The following CFAP77 variants were observed in gnomAD, a reference collection of about 807,000 sequenced individuals.
CFAP77 encodes cilia and flagella associated protein 77, also known as cilia- and flagella-associated protein 77.
Under a neutral mutation model 31.1 loss-of-function variants are expected in CFAP77, and 25 were observed. The ratio of observed to expected loss-of-function variants is 0.80; its 90% CI spans 0.59 to 1.12. The LOEUF is 1.12. CFAP77 is among the 50% of genes most tolerant of loss of function. CFAP77 has a pLI of 0.00. For synonymous variants in CFAP77, 151 were observed against 159.9 expected (o/e 0.94, Z 0.42); for missense variants, 377 against 397.3 (o/e 0.95, Z 0.44).
chr9:132,533,224 C>T (rs888841248), intron 3 of CFAP77, among the ~76,000 whole-genome samples: 5 of 152,158 alleles, frequency 3.3e-5, no homozygotes, highest in Admixed American at 6.5e-5. Context: ...CTTCAGCTGC[C>T]GAAGACTCTT....
intron 1 of CFAP77, among the ~76,000 whole-genome samples, chr9:132,412,488 A>G (rs566531185): frequency 2.6e-5 from 4 of 152,334 alleles, no homozygotes; most frequent in African/African-American, 7.2e-5. Context: ...GACATAAATA[A>G]AAGTTGGCAG....
chr9:132,502,949 AC>A, intron 3 of CFAP77, among the ~76,000 whole-genome samples: 1 of 152,186 alleles, frequency 6.6e-6, no homozygotes, highest in Non-Finnish European at 1.5e-5. Context: ...ATGGGAAAGA[AC>A]CCTGAGGATT....
chr9:132,461,662 G>C (rs368693355), intron 1 of CFAP77, among the ~76,000 whole-genome samples: 108 of 152,322 alleles, frequency 7.1e-4, no homozygotes, highest in African/African-American at 2.5e-3. Context: ...TGTCGTGGGG[G>C]ATATTGGTTT....
intron 3 of CFAP77, among the ~76,000 whole-genome samples, chr9:132,504,719 T>A (rs148842415): frequency 7.9e-5 from 12 of 152,372 alleles, no homozygotes; most frequent in Admixed American, 2.0e-4. Context: ...AATTTCACTT[T>A]ATTTCTTCGT....
chr9:132,412,352 T>G (rs1412380576), intron 1 of CFAP77, among the ~76,000 whole-genome samples: 2 of 152,230 alleles, frequency 1.3e-5, no homozygotes, highest in South Asian at 4.1e-4. Flanking sequence ...CCTTTACCTC[T>G]GGCTTTCCTT....
In CFAP77 at chr9:132,523,089, T is replaced by TTTC. The variant is rs72240617; in HGVS notation, c.525-14510_525-14509insCTT. Among the ~76,000 whole-genome samples, 336 of 123,602 alleles carry TTTC rather than the reference T, an allele frequency of 2.7e-3. 1 individual carries two copies. The highest frequency in any genetic ancestry group is 8.4e-3 in the African/African-American group (299 of 35,528). The allele number at this position is 123,602 out of a possible 152,430, so 81.1% of individuals were successfully genotyped here. A position where few individuals can be genotyped will look rare whatever the true frequency, so the allele number is the denominator to read the frequency against. ...CACTGGTAGGCTTCTTTCTTCTTTC[T>TTTC]TTTTTTTTTTTTTTTTGAGACAGGG... On this transcript the variant is annotated intron_variant, in intron 3 of 5. Coordinates refer to ENST00000393216, the MANE Select transcript of CFAP77 (RefSeq NM_001282957.2).
Position 132,516,760 on chromosome 9 carries a change from C to T in CFAP77, c.524+17160C>T, listed in dbSNP as rs543452685. On this transcript the variant is annotated intron_variant, in intron 3 of 5. Transcript: ENST00000393216. ...CACGTGGGATCTCTCTGCATCATTTCGTACAAACTGCAAGTGAATCTACAA... is the reference window on the plus strand; with the variant it reads ...CACGTGGGATCTCTCTGCATCATTTTGTACAAACTGCAAGTGAATCTACAA... 4.6e-5 allele frequency among the ~76,000 whole-genome samples: 7 copies of T among 151,978 alleles called. 1 individual carries two copies. The highest frequency in any genetic ancestry group is 8.8e-5 in the Non-Finnish European group (6 of 68,006).
chr9:132,537,467 A>G, intron 3 of CFAP77, 134 bp from the exon 4 acceptor site: 1 of 627,264 alleles, frequency 1.6e-6, no homozygotes, highest in Non-Finnish European at 2.8e-6. Context: ...GCTGGGAGAG[A>G]GGCTTTCACA....
intron 5 of CFAP77, among the ~76,000 whole-genome samples, chr9:132,559,538 T>C (rs1852962035): frequency 6.6e-6 from 1 of 152,066 alleles, no homozygotes; most frequent in Non-Finnish European, 1.5e-5. Context: ...CAACAAGTGT[T>C]GGTGAGGATA....
chr9:132,497,119 G>A lies in CFAP77; in HGVS notation c.196-1576G>A, dbSNP rs976333733. Reference sequence around the variant, plus strand: ...TGCCTGCGATCCTTCAGATGAGGGGGAGTGGGTTTGTCTATCTCAACAGGG... The same window carrying A: ...TGCCTGCGATCCTTCAGATGAGGGGAAGTGGGTTTGTCTATCTCAACAGGG... On this transcript the variant is annotated intron_variant, in intron 1 of 5. Coordinates refer to ENST00000393216, the MANE Select transcript of CFAP77 (RefSeq NM_001282957.2). This position sits in a 1 kb window ranked among gnomAD's most constrained non-coding sequence, Gnocchi z 4.9. 5.3e-5 allele frequency among the ~76,000 whole-genome samples: 8 copies of A among 151,950 alleles called. No individual in the cohort carries two copies. Among genetic ancestry groups the A allele is most frequent in the Non-Finnish European group, 4.4e-5 (3 of 68,000 alleles).
intron 3 of CFAP77, among the ~76,000 whole-genome samples, chr9:132,507,795 T>C (rs1589894129): frequency 6.6e-6 from 1 of 152,156 alleles, no homozygotes; most frequent in African/African-American, 2.4e-5. Flanking sequence ...TCTGCATTTA[T>C]TGGTGTCCTG....
intron 1 of CFAP77, among the ~76,000 whole-genome samples, chr9:132,413,789 A>C (rs1376816416): frequency 6.6e-6 from 1 of 152,204 alleles, no homozygotes; most frequent in Non-Finnish European, 1.5e-5. Flanking sequence ...AATTTATGGA[A>C]TCGAGCACCC....
At chr9:132,457,173 G>A (rs1850932448) in intron 1 of CFAP77, among the ~76,000 whole-genome samples, 1 of 152,086 alleles carries the variant, frequency 6.6e-6, no homozygotes, top group Admixed American at 6.5e-5. Flanking sequence ...ATGAGGCCAA[G>A]GTTTGCGTAT....
chr9:132,511,937 T>C lies in CFAP77; in HGVS notation c.524+12337T>C, dbSNP rs1211124149. Among the ~76,000 whole-genome samples the C allele has an allele frequency of 6.6e-6, 1 of 151,906 alleles. No individual in the cohort carries two copies. Among genetic ancestry groups the C allele is most frequent in the Non-Finnish European group, 1.5e-5 (1 of 67,980 alleles). On this transcript the variant is annotated intron_variant, in intron 3 of 5. Transcript: ENST00000393216. This position sits in a 1 kb window ranked among gnomAD's most constrained non-coding sequence, Gnocchi z 5.8. The stretch of plus-strand genomic sequence containing the variant: ...GGTGTGGTGGCACACACCTGTCATC[T>C]CAGCTTCTTGGGAGGCTGAGGCAGG...
At position 132,511,638 on chromosome 9, in the gene CFAP77, A is replaced by G. The variant is rs773757368; in HGVS notation, c.524+12038A>G. ...GTGCCAAGAGCACATGAGACGGCCA[A>G]CTCTTTCCCGGGCACGACTCTTGCA... On this transcript the variant is annotated intron_variant, in intron 3 of 5. Coordinates refer to ENST00000393216, the MANE Select transcript of CFAP77 (RefSeq NM_001282957.2). The surrounding 1 kb of genome is among the most constrained non-coding windows in gnomAD (Gnocchi z 5.8). Among the ~76,000 whole-genome samples, 1 of 152,112 alleles carries G rather than the reference A, an allele frequency of 6.6e-6. No homozygotes were observed. Among genetic ancestry groups the G allele is most frequent in the Non-Finnish European group, 1.5e-5 (1 of 68,008 alleles).
At chr9:132,551,862 GC>G (rs1246938089) in intron 5 of CFAP77, among the ~76,000 whole-genome samples, 1 of 152,222 alleles carries the variant, frequency 6.6e-6, no homozygotes, top group East Asian at 1.9e-4. Context: ...CTAAATGCGG[GC>G]CCGGGAAGGA....
At chr9:132,422,974 A>G (rs547059456) in intron 1 of CFAP77, among the ~76,000 whole-genome samples, 209 of 152,300 alleles carry the variant, frequency 1.4e-3, no homozygotes, top group African/African-American at 4.8e-3. Flanking sequence ...TTTGTAAGTT[A>G]CACAAGCCCA....
At chr9:132,557,346 G>A in intron 5 of CFAP77, among the ~76,000 whole-genome samples, 1 of 152,214 alleles carries the variant, frequency 6.6e-6, no homozygotes, top group East Asian at 1.9e-4. Context: ...GCCTCCCGGT[G>A]GAACCAGAGC....
At chr9:132,442,812 G>A (rs1348106446) in intron 1 of CFAP77, among the ~76,000 whole-genome samples, 1 of 152,114 alleles carries the variant, frequency 6.6e-6, no homozygotes, top group Non-Finnish European at 1.5e-5. Flanking sequence ...AAAGTGCTGG[G>A]ATTACAGGTG....
Sources: allele counts gnomAD v4.1 joint callset (sites outside exome capture counted in the v4.1 genomes callset), GRCh38; gene constraint gnomAD v4.1.1; non-coding constraint Gnocchi (gnomAD v3.1); transcripts MANE v1.5; gene names NCBI Gene and HGNC (gene_info 2026-07-23, HGNC 2026-07-21).